ZYG11A: variants seen among roughly 807,000 people sequenced by gnomAD.
The protein encoded by ZYG11A is zyg-11 family member A, cell cycle regulator.
A neutral mutation model predicts 77.2 loss-of-function variants in ZYG11A; 62 were observed. That is an observed-to-expected ratio of 0.80 (90% CI 0.65 to 0.99). The LOEUF is 0.99. Among genes scored for constraint, ZYG11A ranks in the 50% least tolerant of loss-of-function variants. The pLI is 0.00. For missense variants in ZYG11A, 828 were observed against 896.8 expected (o/e 0.92, Z 0.98); for synonymous variants, 315 against 324.6 (o/e 0.97, Z 0.32).
chr1:52,850,607 C>T (rs1488335231), intron 1 of ZYG11A, among the ~76,000 whole-genome samples: 3 of 151,814 alleles, frequency 2.0e-5, no homozygotes, highest in East Asian at 1.9e-4. Context: ...CGTGAGCCAC[C>T]GCGCCCAACT....
intron 8 of ZYG11A, among the ~76,000 whole-genome samples, chr1:52,876,076 T>C (rs555395494): frequency 3.8e-4 from 58 of 152,194 alleles, no homozygotes; most frequent in African/African-American, 1.2e-3. Flanking sequence ...GTGGGTGTAT[T>C]TCTCAATGAA....
chr1:52,869,773 C>T (rs1435878126), intron 8 of ZYG11A, among the ~76,000 whole-genome samples: 4 of 151,970 alleles, frequency 2.6e-5, no homozygotes, highest in Non-Finnish European at 4.4e-5. Flanking sequence ...ACCTCCCAGA[C>T]GGGGTGGTGG....
intron 8 of ZYG11A, among the ~76,000 whole-genome samples, chr1:52,867,990 A>G (rs1427527517): frequency 4.2e-5 from 5 of 118,478 alleles, no homozygotes; most frequent in Non-Finnish European, 8.1e-5. Flanking sequence ...TTTTTGAGAC[A>G]GAGTCTCACT....
At position 52,892,897 on chromosome 1, in the gene ZYG11A, T is replaced by C. The variant is rs1226112585; in HGVS notation, c.2220T>C (p.Asp740=). 1 of 1,551,808 alleles carries C rather than the reference T, an allele frequency of 6.4e-7. No individual in the cohort carries two copies. Among genetic ancestry groups the C allele is most frequent in the South Asian group, 1.2e-5 (1 of 84,058 alleles). Residue 740 remains aspartate, a synonymous_variant, in exon 14 of 14, where the codon GAT becomes GAC. Transcript: ENST00000371528. ...AGCAGATTGCAGCCTCCATTCTGGA[T>C]GACTTCAGAATGCATTTCATGAATT... ...KAQQIAASIL[D]DFRMHFMNYQ...
chr1:52,851,461 G>T (rs1645708930), intron 1 of ZYG11A, among the ~76,000 whole-genome samples: 1 of 151,916 alleles, frequency 6.6e-6, no homozygotes, highest in Non-Finnish European at 1.5e-5. Context: ...GTAGTGGCGC[G>T]ATCTGGGCTC....
At chr1:52,892,433 C>T (rs1360130265) in intron 13 of ZYG11A, among the ~76,000 whole-genome samples, 2 of 151,204 alleles carry the variant, frequency 1.3e-5, no homozygotes, top group East Asian at 4.0e-4. Context: ...GAGGCGGAGG[C>T]AGGAGAATTG....
chr1:52,859,667 C>CT (rs60756718), intron 3 of ZYG11A, among the ~76,000 whole-genome samples: 462 of 42,934 alleles, frequency 0.011, 167 homozygotes, highest in East Asian at 0.027. Context: ...TGTGTATTGC[C>CT]TTTTTTTTTT....
chr1:52,862,343 G>A (rs1472799408), intron 4 of ZYG11A, among the ~76,000 whole-genome samples: 2 of 143,690 alleles, frequency 1.4e-5, no homozygotes, highest in Admixed American at 7.2e-5. Flanking sequence ...ACGGCGTCTC[G>A]CTCTGTCGCC....
intron 1 of ZYG11A, among the ~76,000 whole-genome samples, chr1:52,847,804 G>A (rs981913171): frequency 6.8e-6 from 1 of 146,852 alleles, no homozygotes; most frequent in African/African-American, 2.5e-5. Context: ...CGAGTAGCTG[G>A]GACTACAGGT....
In ZYG11A at chr1:52,857,488, T is replaced by G; in HGVS notation, c.747T>G (p.Leu249=). ...TGGCCATGACCAAATCACAAATTCTTGCAGTCATTAGAGAACTTAAATGTC... is the reference window on the plus strand; with the variant it reads ...TGGCCATGACCAAATCACAAATTCTGGCAGTCATTAGAGAACTTAAATGTC... The part of the protein sequence containing the change: ...KCLAMTKSQI[L]AVIRELKCLL... The change falls in exon 3 of 14, where the codon CTT becomes CTG. Residue 249 remains leucine, a synonymous_variant. Transcript: ENST00000371528. 2 of 1,552,262 alleles carry G rather than the reference T, an allele frequency of 1.3e-6. No individual in the cohort carries two copies. The highest frequency in any genetic ancestry group is 1.7e-6 in the Non-Finnish European group (2 of 1,147,122).
chr1:52,892,788 A>G lies in ZYG11A; in HGVS notation c.2111A>G (p.Lys704Arg). ...MYHVCSKNPS[K>R]YCKMLVEEEG... ...CTGCTTGATTTTCTTTCAGCCAGCA[A>G]ATACTGCAAAATGTTAGTTGAAGAA... Residue 704 changes from lysine (K) to arginine (R), a missense_variant, in exon 14 of 14, where the codon AAA becomes AGA. Lys to Arg is a conservative substitution (Grantham distance 26, BLOSUM62 2). Coordinates refer to ENST00000371528, the MANE Select transcript of ZYG11A (RefSeq NM_001004339.3). The G allele has an allele frequency of 1.3e-6, 2 of 1,551,494 alleles. No individual in the cohort carries two copies. The highest frequency in any genetic ancestry group is 1.7e-6 in the Non-Finnish European group (2 of 1,146,948).
Position 52,867,748 on chromosome 1 carries a change from C to G in ZYG11A, c.1513C>G (p.Gln505Glu). Reference sequence around the variant, plus strand: ...ATAGCTCTCACCTGAGCAAACGGCACAGCTTGAAGAGCTTTTCATGGCAGT... The same window carrying G: ...ATAGCTCTCACCTGAGCAAACGGCAGAGCTTGAAGAGCTTTTCATGGCAGT... The part of the protein sequence containing the change: ...ALQLSPEQTA[Q>E]LEELFMAVKE... The change falls in exon 8 of 14, where the codon CAG becomes GAG. Residue 505 changes from glutamine to glutamate, a missense_variant. Transcript: ENST00000371528. 1 of 1,551,532 alleles carries G rather than the reference C, an allele frequency of 6.4e-7. No homozygotes were observed. The highest frequency in any genetic ancestry group is 8.7e-7 in the Non-Finnish European group (1 of 1,146,970).
Position 52,885,867 on chromosome 1 carries a change from G to C in ZYG11A, c.1979G>C (p.Cys660Ser). ...ATACAGAATTGGCCAAGTTCAAGTT[G>C]TAAGATGACAGCATTGGTGACCTAT... The part of the protein sequence containing the change: ...ATIQNWPSSS[C>S]KMTALVTYRS... The change falls in exon 12 of 14, where the codon TGT (cysteine) becomes TCT (serine). Residue 660 changes from cysteine to serine, a missense_variant. Physicochemically the swap from Cys to Ser is moderately radical, Grantham distance 112. Transcript: ENST00000371528. The C allele has an allele frequency of 6.5e-7, 1 of 1,548,650 alleles. No individual in the cohort carries two copies. The highest frequency in any genetic ancestry group is 8.7e-7 in the Non-Finnish European group (1 of 1,145,984).
intron 11 of ZYG11A, among the ~76,000 whole-genome samples, chr1:52,885,617 A>C (rs1646436528): frequency 6.6e-6 from 1 of 152,134 alleles, no homozygotes; most frequent in Non-Finnish European, 1.5e-5. Flanking sequence ...AGTAGAGGTA[A>C]ATTCGTGCTC....
In ZYG11A at chr1:52,857,585, G is replaced by T. The variant is rs1461024712; in HGVS notation, c.844G>T (p.Asp282Tyr). 1 of 1,552,002 alleles carries T rather than the reference G, an allele frequency of 6.4e-7. No homozygotes were observed. The highest frequency in any genetic ancestry group is 8.7e-7 in the Non-Finnish European group (1 of 1,147,054). ...DLAFHLLQQKDILPNVVSLDI... is the reference protein window; with the variant it reads ...DLAFHLLQQKYILPNVVSLDI... ...AGCTTTTCATTTGCTACAGCAGAAGGATATCCTGCCCAATGTTGTGTCATT... is the reference window on the plus strand; with the variant it reads ...AGCTTTTCATTTGCTACAGCAGAAGTATATCCTGCCCAATGTTGTGTCATT... The change falls in exon 3 of 14, where the codon GAT becomes TAT. Residue 282 changes from aspartate to tyrosine, a missense_variant. Transcript: ENST00000371528.
chr1:52,867,027 A>AT (rs1646039340), intron 6 of ZYG11A, among the ~76,000 whole-genome samples: 1 of 152,218 alleles, frequency 6.6e-6, no homozygotes, highest in Admixed American at 6.5e-5. Context: ...TTCCAGAAGG[A>AT]TTTGAGGCCT....
chr1:52,870,509 C>T (rs182958805), intron 8 of ZYG11A, among the ~76,000 whole-genome samples: 2,503 of 152,278 alleles, frequency 0.016, 73 homozygotes, highest in African/African-American at 0.056. Flanking sequence ...CCAAGGCACG[C>T]GGCTGGGAGG....
At chr1:52,873,017 C>T (rs1384925701) in intron 8 of ZYG11A, among the ~76,000 whole-genome samples, 4 of 151,926 alleles carry the variant, frequency 2.6e-5, no homozygotes, top group African/African-American at 9.7e-5. Context: ...AAGGATTCAC[C>T]ATTCTAGATA....
chr1:52,853,890 T>C (rs562178), intron 1 of ZYG11A, among the ~76,000 whole-genome samples: 71,663 of 151,910 alleles, frequency 0.47, 18,310 homozygotes, highest in Non-Finnish European at 0.59. Context: ...TAGGCGATAG[T>C]GAGACCCTGT....
Sources: allele counts gnomAD v4.1 joint callset (sites outside exome capture counted in the v4.1 genomes callset), GRCh38; gene constraint gnomAD v4.1.1; transcripts MANE v1.5; gene names NCBI Gene and HGNC (gene_info 2026-07-23, HGNC 2026-07-21).